Variants in CLMP observed in about 807,000 individuals in gnomAD.
CLMP encodes the protein CXADR like cell adhesion molecule.
A neutral mutation model predicts 45.2 loss-of-function variants in CLMP; 27 were observed. That is an observed-to-expected ratio of 0.60 (90% CI 0.44 to 0.82). CLMP has a LOEUF of 0.82. Ranked by LOEUF, CLMP falls within the 40% of genes least tolerant of loss-of-function variation. The pLI, the probability that CLMP is intolerant of heterozygous loss-of-function variation, is 0.00. For synonymous variants in CLMP, 167 were observed against 171.4 expected (o/e 0.97, Z 0.20); for missense variants, 403 against 448.4 (o/e 0.90, Z 0.91).
chr11:123,098,092 A>T, intron 1 of CLMP, 140 bp from the exon 2 acceptor site: 1 of 552,560 alleles, frequency 1.8e-6, no homozygotes, highest in Non-Finnish European at 2.9e-6. Flanking sequence ...GACCAGGTGT[A>T]CTAGAAGTCC....
intron 5 of CLMP, among the ~76,000 whole-genome samples, chr11:123,081,061 G>A (rs1168321061): frequency 6.6e-6 from 1 of 152,098 alleles, no homozygotes; most frequent in Non-Finnish European, 1.5e-5. Flanking sequence ...GCTGAAGCGG[G>A]AGAATCGCTT....
At chr11:123,149,093 G>C (rs1350311431) in intron 1 of CLMP, among the ~76,000 whole-genome samples, 1 of 152,152 alleles carries the variant, frequency 6.6e-6, no homozygotes, top group African/African-American at 2.4e-5. Context: ...CAAAGGCCCT[G>C]AATTTTCAGG....
chr11:123,187,235 A>G (rs937779540), intron 1 of CLMP, among the ~76,000 whole-genome samples: 4 of 152,188 alleles, frequency 2.6e-5, no homozygotes, highest in Non-Finnish European at 5.9e-5. Context: ...TGGGGAGCCC[A>G]GGGGCCAATT....
intron 1 of CLMP, among the ~76,000 whole-genome samples, chr11:123,115,765 G>A (rs960875541): frequency 3.3e-5 from 5 of 152,136 alleles, no homozygotes; most frequent in Admixed American, 6.5e-5. Context: ...TGATGGCTGT[G>A]TTCTTCTGTA....
chr11:123,137,147 CTTTTTTTTTTTTTTT>C (rs375816483), intron 1 of CLMP, among the ~76,000 whole-genome samples: 1 of 82,458 alleles, frequency 1.2e-5, no homozygotes, highest in Admixed American at 1.8e-4. Context: ...TTTTCTTTTT[CTTTTTTTTTTTTTTT>C]TTTTTTTTTG....
intron 1 of CLMP, among the ~76,000 whole-genome samples, chr11:123,141,491 C>T (rs1030688434): frequency 1.8e-4 from 27 of 152,064 alleles, no homozygotes; most frequent in African/African-American, 5.8e-4. Flanking sequence ...GCCAGGCATT[C>T]CTTGATAGCA....
At chr11:123,094,997 G>A (rs1865973441) in intron 2 of CLMP, among the ~76,000 whole-genome samples, 1 of 152,130 alleles carries the variant, frequency 6.6e-6, no homozygotes, top group South Asian at 2.1e-4. Flanking sequence ...GGACTATGAT[G>A]TCTTCTTCAC....
chr11:123,133,732 C>T (rs1271712141), intron 1 of CLMP, among the ~76,000 whole-genome samples: 1 of 152,072 alleles, frequency 6.6e-6, no homozygotes, highest in African/African-American at 2.4e-5. Context: ...TCATAAGCCC[C>T]TGATATGAGA....
chr11:123,097,099 C>T (rs1032304770), intron 2 of CLMP, among the ~76,000 whole-genome samples: 2 of 151,776 alleles, frequency 1.3e-5, no homozygotes, highest in Non-Finnish European at 2.9e-5. Flanking sequence ...CAGTTCACCC[C>T]CCTCAGGCTC....
chr11:123,141,173 CTTTTTTTTTTTTTTTTTTT>C (rs550888215), intron 1 of CLMP, among the ~76,000 whole-genome samples: 4 of 80,808 alleles, frequency 4.9e-5, no homozygotes, highest in Non-Finnish European at 8.9e-5. Flanking sequence ...TCAGGCATTC[CTTTTTTTTTTTTTTTTTTT>C]TTTTTTTTTT....
At chr11:123,127,845 T>C (rs1474100961) in intron 1 of CLMP, among the ~76,000 whole-genome samples, 2 of 152,098 alleles carry the variant, frequency 1.3e-5, no homozygotes, top group Non-Finnish European at 2.9e-5. Flanking sequence ...GACACCAGCC[T>C]GGCCAACATG....
chr11:123,132,735 A>G (rs1450393322), intron 1 of CLMP, among the ~76,000 whole-genome samples: 3 of 151,636 alleles, frequency 2.0e-5, no homozygotes, highest in Admixed American at 2.0e-4. Context: ...CTGGGATTAC[A>G]GGTGTGAGAC....
intron 1 of CLMP, among the ~76,000 whole-genome samples, chr11:123,169,851 G>A (rs1330227359): frequency 1.3e-5 from 2 of 152,186 alleles, no homozygotes; most frequent in African/African-American, 4.8e-5. Context: ...TGTGGGCGGT[G>A]CCTCCAAGTT....
In CLMP at chr11:123,072,816, A is replaced by G. The variant is rs1011167853; in HGVS notation, c.*658T>C. The G allele has an allele frequency of 2.0e-5, 3 of 151,930 alleles. No homozygotes were observed. Among genetic ancestry groups the G allele is most frequent in the Non-Finnish European group, 4.4e-5 (3 of 68,000 alleles). 9.4% of individuals were successfully genotyped at this position (151,930 alleles called of 1,614,324 possible). A position where few individuals can be genotyped will look rare whatever the true frequency, so the allele number is the denominator to read the frequency against. On this transcript the variant is annotated 3_prime_UTR_variant, in exon 7 of 7. Coordinates refer to ENST00000448775, the MANE Select transcript of CLMP (RefSeq NM_024769.5). ...TCCTTTCATAGTTATTTTGGGCTCAATACAAATAGTGAGATTAGTATAGAG... is the reference window on the plus strand; with the variant it reads ...TCCTTTCATAGTTATTTTGGGCTCAGTACAAATAGTGAGATTAGTATAGAG...
intron 1 of CLMP, among the ~76,000 whole-genome samples, chr11:123,194,557 C>T (rs1861953023): frequency 6.6e-6 from 1 of 152,160 alleles, no homozygotes; most frequent in East Asian, 1.9e-4. Context: ...GAAACAACAA[C>T]AAAAAACCCC....
chr11:123,138,780 A>G (rs1861113259), intron 1 of CLMP, among the ~76,000 whole-genome samples: 1 of 152,100 alleles, frequency 6.6e-6, no homozygotes, highest in Admixed American at 6.6e-5. Context: ...CAGCCTCCCA[A>G]GTAGCTGGGA....
intron 1 of CLMP, among the ~76,000 whole-genome samples, chr11:123,154,494 G>A (rs1422009411): frequency 6.6e-6 from 1 of 152,108 alleles, no homozygotes; most frequent in East Asian, 1.9e-4. Flanking sequence ...TGAAAAAGTA[G>A]ATATTTTATT....
intron 5 of CLMP, among the ~76,000 whole-genome samples, chr11:123,077,432 A>G (rs1180039563): frequency 3.3e-5 from 5 of 152,168 alleles, no homozygotes; most frequent in African/African-American, 1.2e-4. Context: ...CCCGGGTTCA[A>G]GTGATTCTCC....
intron 1 of CLMP, among the ~76,000 whole-genome samples, chr11:123,134,803 G>A (rs12287629): frequency 0.28 from 41,647 of 150,880 alleles, 6,419 homozygotes; most frequent in African/African-American, 0.43. Context: ...GTGAGACTCC[G>A]TCTCAAAAAA....
Sources: allele counts gnomAD v4.1 joint callset (sites outside exome capture counted in the v4.1 genomes callset), GRCh38; gene constraint gnomAD v4.1.1; transcripts MANE v1.5; gene names NCBI Gene and HGNC (gene_info 2026-07-23, HGNC 2026-07-21).